ROBO1: variants seen among roughly 807,000 people sequenced by gnomAD.
The protein encoded by ROBO1 is roundabout guidance receptor 1, also known as roundabout homolog 1.
A neutral mutation model predicts 195.9 loss-of-function variants in ROBO1; 149 were observed. That is an observed-to-expected ratio of 0.76 (90% CI 0.67 to 0.87). The LOEUF (loss-of-function observed/expected upper bound fraction) is 0.87. Ranked by LOEUF, ROBO1 falls within the 40% of genes least tolerant of loss-of-function variation. The pLI is 0.00. For missense variants in ROBO1, 1,933 were observed against 2,068.3 expected, an observed-to-expected ratio of 0.93 and a Z score of 1.27; for synonymous variants, 816 against 733.2, an observed-to-expected ratio of 1.11 and a Z score of -1.82.
chr3:79,740,945 G>C (rs1269971006), intron 1 of ROBO1, among the ~76,000 whole-genome samples: 1 of 152,166 alleles, frequency 6.6e-6, no homozygotes, highest in Non-Finnish European at 1.5e-5. Context: ...ATAAAAAATA[G>C]TTGTGAAATA....
chr3:79,625,640 C>A (rs948141012), intron 1 of ROBO1, among the ~76,000 whole-genome samples: 2 of 151,884 alleles, frequency 1.3e-5, no homozygotes, highest in African/African-American at 4.8e-5. Context: ...CATATACACC[C>A]TCCCAAGACT....
chr3:78,725,253 T>G (rs2108140658), intron 5 of ROBO1, among the ~76,000 whole-genome samples: 1 of 152,134 alleles, frequency 6.6e-6, no homozygotes, highest in South Asian at 2.1e-4. Flanking sequence ...AACAAAAAAA[T>G]GTCCCACTGG....
At chr3:79,433,474 C>T (rs1316502075) in intron 2 of ROBO1, among the ~76,000 whole-genome samples, 2 of 152,030 alleles carry the variant, frequency 1.3e-5, no homozygotes, top group African/African-American at 4.8e-5. Flanking sequence ...CACATCCTCA[C>T]ATCAGACTTG....
At chr3:79,038,546 AG>A (rs2078423200) in intron 3 of ROBO1, among the ~76,000 whole-genome samples, 1 of 152,136 alleles carries the variant, frequency 6.6e-6, no homozygotes, top group Non-Finnish European at 1.5e-5. Context: ...TCTCACTCAA[AG>A]GTGAAGTAAA....
chr3:79,077,474 T>C (rs2079194200), intron 3 of ROBO1, among the ~76,000 whole-genome samples: 1 of 151,922 alleles, frequency 6.6e-6, no homozygotes, highest in Admixed American at 6.6e-5. Context: ...TATGTGTGTA[T>C]ATATACATAT....
chr3:79,366,693 A>G (rs2035990704), intron 2 of ROBO1, among the ~76,000 whole-genome samples: 1 of 152,200 alleles, frequency 6.6e-6, no homozygotes, highest in South Asian at 2.1e-4. Flanking sequence ...TGATTTAATT[A>G]ACACATGAAC....
intron 1 of ROBO1, among the ~76,000 whole-genome samples, chr3:79,643,347 G>T (rs909408573): frequency 6.6e-6 from 1 of 152,054 alleles, no homozygotes; most frequent in African/African-American, 2.4e-5. Flanking sequence ...CTTGCAGATG[G>T]CCTATTGTGA....
intron 10 of ROBO1, among the ~76,000 whole-genome samples, chr3:78,676,780 A>G (rs1224790412): frequency 2.0e-5 from 3 of 152,224 alleles, no homozygotes; most frequent in African/African-American, 7.2e-5. Flanking sequence ...AACTTCCCCA[A>G]TCTGGCATGG....
At chr3:79,487,960 T>A (rs1197458339) in intron 2 of ROBO1, among the ~76,000 whole-genome samples, 1 of 152,088 alleles carries the variant, frequency 6.6e-6, no homozygotes, top group Non-Finnish European at 1.5e-5. Context: ...TATGAAGATA[T>A]TAAAAAGTTA....
At chr3:79,431,308 C>T (rs966971111) in intron 2 of ROBO1, among the ~76,000 whole-genome samples, 9 of 152,092 alleles carry the variant, frequency 5.9e-5, no homozygotes, top group Non-Finnish European at 1.2e-4. Flanking sequence ...CCATTATAAT[C>T]CCATTATAAC....
chr3:79,000,811 C>T (rs1427205666), intron 3 of ROBO1, among the ~76,000 whole-genome samples: 3 of 152,148 alleles, frequency 2.0e-5, no homozygotes, highest in Non-Finnish European at 4.4e-5. Context: ...ACTATAAAGA[C>T]ACATGCACAC....
chr3:78,808,035 G>C (rs2084604001), intron 4 of ROBO1, among the ~76,000 whole-genome samples: 2 of 152,088 alleles, frequency 1.3e-5, no homozygotes, highest in Admixed American at 6.6e-5. Flanking sequence ...CATTTTTCAT[G>C]AGACTTTTAT....
At chr3:78,606,360 ATG>A (rs1395351150) in intron 29 of ROBO1, among the ~76,000 whole-genome samples, 2 of 152,194 alleles carry the variant, frequency 1.3e-5, no homozygotes, top group East Asian at 3.9e-4. Context: ...TTTTGTAAAG[ATG>A]GTCTCTGGCC....
chr3:78,644,093 CCTCT>C (rs1706132387), intron 21 of ROBO1, among the ~76,000 whole-genome samples: 1 of 151,940 alleles, frequency 6.6e-6, no homozygotes, highest in African/African-American at 2.4e-5. Context: ...TTCATTATTC[CCTCT>C]CTGATCTCAC....
chr3:78,991,167 C>G (rs937861618), intron 3 of ROBO1, among the ~76,000 whole-genome samples: 2 of 152,052 alleles, frequency 1.3e-5, no homozygotes, highest in African/African-American at 2.4e-5. Context: ...TGAAAACCCA[C>G]TGAAATAAAT....
chr3:79,668,116 A>G lies in ROBO1; in HGVS notation c.-50-78155T>C, dbSNP rs142250545. Among the ~76,000 whole-genome samples, 1,419 of 151,978 alleles carry G rather than the reference A, an allele frequency of 9.3e-3. 11 individuals carry two copies. The highest frequency in any genetic ancestry group is 0.034 in the Middle Eastern group (10 of 294). On this transcript the variant is annotated intron_variant, in intron 1 of 30. Coordinates refer to ENST00000464233, the MANE Select transcript of ROBO1 (RefSeq NM_002941.4). ...ACTGACAAAGTCTGTTTTTAAAAAT[A>G]TATGTTATGATAAATTCTTAAATAC... is the stretch of plus-strand genomic sequence containing the variant.
At chr3:78,978,343 T>C (rs556138498) in intron 3 of ROBO1, among the ~76,000 whole-genome samples, 1 of 152,284 alleles carries the variant, frequency 6.6e-6, no homozygotes, top group South Asian at 2.1e-4. Context: ...ACCAAGTTTC[T>C]AGACTAGGTG....
intron 2 of ROBO1, among the ~76,000 whole-genome samples, chr3:79,500,906 A>G (rs948207376): frequency 1.3e-5 from 2 of 152,146 alleles, no homozygotes; most frequent in Non-Finnish European, 2.9e-5. Flanking sequence ...TTACGTTGGC[A>G]TATTCAGAAT....
chr3:78,822,119 C>CACAA (rs562751015), intron 4 of ROBO1, among the ~76,000 whole-genome samples: 1 of 151,524 alleles, frequency 6.6e-6, no homozygotes, highest in Non-Finnish European at 1.5e-5. Flanking sequence ...CACACACACA[C>CACAA]AAATGTACGG....
Sources: allele counts gnomAD v4.1 joint callset (sites outside exome capture counted in the v4.1 genomes callset), GRCh38; gene constraint gnomAD v4.1.1; transcripts MANE v1.5; gene names NCBI Gene and HGNC (gene_info 2026-07-23, HGNC 2026-07-21).